SLC25A13: variants seen among roughly 807,000 people sequenced by gnomAD.
SLC25A13 encodes the protein electrogenic aspartate/glutamate antiporter SLC25A13, mitochondrial.
Under a neutral mutation model 85.5 loss-of-function variants are expected in SLC25A13, and 70 were observed. The observed-to-expected ratio is 0.82, with a 90% CI of 0.68 to 1.00. SLC25A13 has a LOEUF of 1.00. Ranked by LOEUF, SLC25A13 falls within the 50% of genes least tolerant of loss-of-function variation. The pLI is 0.00. For synonymous variants in SLC25A13, 259 were observed against 288.7 expected, an observed-to-expected ratio of 0.90 and a Z score of 1.04; for missense variants, 765 against 819.8, an observed-to-expected ratio of 0.93 and a Z score of 0.82.
chr7:96,140,749 TTTTG>T (rs1792515101), intron 14 of SLC25A13, among the ~76,000 whole-genome samples: 1 of 149,520 alleles, frequency 6.7e-6, no homozygotes, highest in Non-Finnish European at 1.5e-5. Context: ...ATTGCTTATC[TTTTG>T]TTTTTTTTTT....
At chr7:96,257,295 T>G (rs1434363985) in intron 3 of SLC25A13, among the ~76,000 whole-genome samples, 1 of 151,782 alleles carries the variant, frequency 6.6e-6, no homozygotes, top group Non-Finnish European at 1.5e-5. Context: ...TTGAAAAGAT[T>G]AACCAAATAG....
chr7:96,222,920 C>T (rs373766967), intron 4 of SLC25A13, among the ~76,000 whole-genome samples: 5 of 152,288 alleles, frequency 3.3e-5, no homozygotes, highest in East Asian at 1.9e-4. Context: ...TGAAGTCATA[C>T]ATAAACTATT....
At chr7:96,150,220 A>G (rs1211580540) in intron 13 of SLC25A13, among the ~76,000 whole-genome samples, 2 of 151,952 alleles carry the variant, frequency 1.3e-5, no homozygotes, top group African/African-American at 2.4e-5. Context: ...CACTTCTGCT[A>G]TTTGATTTTT....
chr7:96,154,227 A>G (rs2116511306), intron 13 of SLC25A13, among the ~76,000 whole-genome samples: 3 of 152,246 alleles, frequency 2.0e-5, no homozygotes, highest in African/African-American at 7.2e-5. Flanking sequence ...AGAAATTTTT[A>G]AAGTTTAGCA....
chr7:96,131,473 CTTGAA>C (rs1209190363), intron 15 of SLC25A13, among the ~76,000 whole-genome samples: 2 of 152,264 alleles, frequency 1.3e-5, no homozygotes, highest in African/African-American at 2.4e-5. Flanking sequence ...TGATATGGAA[CTTGAA>C]TTGGAGTTCC....
intron 5 of SLC25A13, among the ~76,000 whole-genome samples, chr7:96,195,566 C>T (rs960297673): frequency 3.3e-5 from 5 of 152,138 alleles, no homozygotes; most frequent in African/African-American, 1.2e-4. Flanking sequence ...ACCTGACTCC[C>T]TCCCCCTCCA....
At chr7:96,235,172 T>C (rs746960792) in intron 3 of SLC25A13, among the ~76,000 whole-genome samples, 4 of 152,264 alleles carry the variant, frequency 2.6e-5, no homozygotes, top group Non-Finnish European at 5.9e-5. Context: ...ATAACTGTTT[T>C]ATCCAGCATC....
At chr7:96,135,321 A>C (rs1016414344) in intron 14 of SLC25A13, among the ~76,000 whole-genome samples, 5 of 151,902 alleles carry the variant, frequency 3.3e-5, no homozygotes, top group Non-Finnish European at 5.9e-5. Context: ...GCGGCCCTTC[A>C]CCTCTCTTGC....
Position 96,121,695 on chromosome 7 carries a change from C to T in SLC25A13, c.1801G>A (p.Glu601Lys), listed in dbSNP as rs80338727. 4.3e-6 allele frequency: 7 copies of T among 1,613,988 alleles called. No homozygotes were observed. Among genetic ancestry groups the T allele is most frequent in the East Asian group, 2.2e-5 (1 of 44,882 alleles). Residue 601 changes from glutamate (E) to lysine (K), a missense_variant, in exon 17 of 18, where the codon GAA becomes AAA. Physicochemically the swap from Glu to Lys is moderately conservative, Grantham distance 56. Coordinates refer to ENST00000265631, the MANE Select transcript of SLC25A13 (RefSeq NM_014251.3). ...PQFGVTLLTY[E>K]LLQRWFYIDF... ...ATGTAGAACCATCGCTGTAGCAATT[C>T]GTAAGTCAGCAAAGTTACACCAAAC... is the stretch of plus-strand genomic sequence containing the variant.
chr7:96,319,275 G>A (rs575982626), intron 1 of SLC25A13, among the ~76,000 whole-genome samples: 6 of 152,244 alleles, frequency 3.9e-5, no homozygotes, highest in East Asian at 1.9e-4. Context: ...TCGGCTGGGC[G>A]TGGTGGCTCA....
intron 3 of SLC25A13, 63 bp downstream of exon 3, chr7:96,277,133 T>A: frequency 6.7e-7 from 1 of 1,494,148 alleles, no homozygotes. Flanking sequence ...TCCTGGTCAT[T>A]AGAGCAAAAG....
At chr7:96,222,404 G>A (rs1435267236) in intron 4 of SLC25A13, among the ~76,000 whole-genome samples, 1 of 152,066 alleles carries the variant, frequency 6.6e-6, no homozygotes. Flanking sequence ...CCCTTTCAGA[G>A]GTCTCACTAG....
intron 5 of SLC25A13, among the ~76,000 whole-genome samples, chr7:96,204,998 T>C (rs192164476): frequency 2.5e-4 from 38 of 152,308 alleles, no homozygotes; most frequent in African/African-American, 7.7e-4. Context: ...AACCTCTGCC[T>C]CCTGGGTTCA....
chr7:96,317,818 T>TG (rs1554388802), intron 1 of SLC25A13, among the ~76,000 whole-genome samples: 3 of 151,174 alleles, frequency 2.0e-5, no homozygotes, highest in Non-Finnish European at 4.4e-5. Context: ...TTATTTTTTT[T>TG]TGAGACAGGA....
intron 1 of SLC25A13, among the ~76,000 whole-genome samples, chr7:96,309,962 G>A (rs1222755233): frequency 1.3e-5 from 2 of 152,244 alleles, no homozygotes; most frequent in East Asian, 1.9e-4. Context: ...CTTATACGAA[G>A]AGGAAATTAG....
intron 3 of SLC25A13, among the ~76,000 whole-genome samples, chr7:96,259,813 G>A (rs1351302593): frequency 2.0e-5 from 3 of 151,994 alleles, no homozygotes; most frequent in Non-Finnish European, 2.9e-5. Context: ...CTAAATGCTC[G>A]TCAATGACAG....
At chr7:96,245,054 G>C (rs976658615) in intron 3 of SLC25A13, among the ~76,000 whole-genome samples, 2 of 152,040 alleles carry the variant, frequency 1.3e-5, no homozygotes, top group Non-Finnish European at 2.9e-5. Flanking sequence ...TCGCCTTGCA[G>C]CTGACTCCAA....
At chr7:96,254,682 G>A (rs368299119) in intron 3 of SLC25A13, among the ~76,000 whole-genome samples, 10 of 152,046 alleles carry the variant, frequency 6.6e-5, no homozygotes, top group South Asian at 2.1e-4. Context: ...TCAAAGGAGC[G>A]TATATATAGT....
chr7:96,302,142 C>T (rs1318596568), intron 1 of SLC25A13, among the ~76,000 whole-genome samples: 4 of 152,014 alleles, frequency 2.6e-5, no homozygotes, highest in South Asian at 2.1e-4. Flanking sequence ...ATAGCGTTTG[C>T]AAAACACATA....
Sources: allele counts gnomAD v4.1 joint callset (sites outside exome capture counted in the v4.1 genomes callset), GRCh38; gene constraint gnomAD v4.1.1; transcripts MANE v1.5; gene names NCBI Gene and HGNC (gene_info 2026-07-23, HGNC 2026-07-21).